HYDIN: variants seen among roughly 807,000 people sequenced by gnomAD.
The protein encoded by HYDIN is axonemal central pair apparatus protein HYDIN.
In HYDIN, 132 loss-of-function variants were observed where a neutral mutation model predicts 403.9. The observed-to-expected ratio is 0.33, with a 90% CI of 0.28 to 0.38. The LOEUF (loss-of-function observed/expected upper bound fraction) is 0.38, where lower values mean the gene tolerates loss of function less well. Ranked by LOEUF, HYDIN falls within the 10% of genes least tolerant of loss-of-function variation. The pLI is 1.00. For synonymous variants in HYDIN, 1,202 were observed against 1,891.7 expected, an observed-to-expected ratio of 0.64 and a Z score of 9.46; for missense variants, 2,827 against 5,009.5, an observed-to-expected ratio of 0.56 and a Z score of 13.15.
At chr16:71,127,756 G>T (rs894261596) in intron 9 of HYDIN, among the ~76,000 whole-genome samples, 1 of 152,210 alleles carries the variant, frequency 6.6e-6, no homozygotes, top group African/African-American at 2.4e-5. Context: ...GTATGTTTAA[G>T]ATTAGCACAA....
chr16:70,982,164 CATAAAT>C (rs2079066309), intron 28 of HYDIN, among the ~76,000 whole-genome samples: 1 of 150,384 alleles, frequency 6.6e-6, no homozygotes, highest in African/African-American at 2.4e-5. Context: ...AAAAATCGTT[CATAAAT>C]ATATAGTAAA....
intron 19 of HYDIN, among the ~76,000 whole-genome samples, chr16:71,029,763 C>G (rs1203465734): frequency 1.3e-5 from 2 of 151,432 alleles, no homozygotes; most frequent in Non-Finnish European, 2.9e-5. Context: ...TATTTTCAAT[C>G]AAGTCCCATA....
chr16:71,218,200 G>A (rs771919070), intron 1 of HYDIN, among the ~76,000 whole-genome samples: 21 of 152,146 alleles, frequency 1.4e-4, no homozygotes, highest in South Asian at 1.0e-3. Context: ...GGTTGTTAGC[G>A]ACTGTTCCAA....
intron 23 of HYDIN, among the ~76,000 whole-genome samples, chr16:71,007,120 T>C (rs1417877483): frequency 1.3e-5 from 2 of 151,530 alleles, no homozygotes; most frequent in African/African-American, 2.4e-5. Context: ...TACTTCACTG[T>C]GCTGCCCTTC....
At chr16:70,892,646 C>G (rs1352690561) in intron 55 of HYDIN, 117 bp from the exon 56 acceptor site, 4 of 947,366 alleles carry the variant, frequency 4.2e-6, no homozygotes, top group Non-Finnish European at 6.1e-6. Flanking sequence ...TTAGCCACTA[C>G]GTCCGGCGGA....
chr16:71,008,521 T>C (rs1319053532), intron 23 of HYDIN, among the ~76,000 whole-genome samples: 2 of 152,214 alleles, frequency 1.3e-5, no homozygotes, highest in Non-Finnish European at 2.9e-5. Flanking sequence ...TGTTGAAGAT[T>C]TGGCCATATA....
chr16:71,014,559 T>G (rs2144109118), intron 23 of HYDIN, among the ~76,000 whole-genome samples: 1 of 149,624 alleles, frequency 6.7e-6, no homozygotes, highest in East Asian at 2.0e-4. Flanking sequence ...TGATGAGGAG[T>G]GGGGACAGAA....
chr16:71,114,693 C>CA (rs1255457158), intron 10 of HYDIN, among the ~76,000 whole-genome samples: 1 of 129,160 alleles, frequency 7.7e-6, no homozygotes, highest in Non-Finnish European at 1.6e-5. Context: ...AGTGTGAACT[C>CA]AACAACTCTG....
intron 7 of HYDIN, among the ~76,000 whole-genome samples, chr16:71,141,145 T>C (rs1597870675): frequency 2.0e-5 from 3 of 148,810 alleles, no homozygotes; most frequent in South Asian, 4.3e-4. Flanking sequence ...AAGAGACAGA[T>C]CAGTGGAATA....
chr16:70,822,733 C>T (rs1351138797), intron 83 of HYDIN, among the ~76,000 whole-genome samples: 3 of 152,158 alleles, frequency 2.0e-5, no homozygotes, highest in South Asian at 2.1e-4. Context: ...CCATCAACAT[C>T]GAGGCAAGAC....
intron 41 of HYDIN, among the ~76,000 whole-genome samples, chr16:70,945,460 C>T (rs551610383): frequency 4.3e-4 from 66 of 152,008 alleles, no homozygotes; most frequent in East Asian, 7.7e-4. Flanking sequence ...AACCTGCACT[C>T]GGGAAGAAAT....
chr16:70,809,777 ACTCACCCTG>A lies in HYDIN; in HGVS notation c.14880_14883+5del. 1 of 1,605,118 alleles carries A rather than the reference ACTCACCCTG, an allele frequency of 6.2e-7. No individual in the cohort carries two copies. Among genetic ancestry groups the A allele is most frequent in the East Asian group, 2.2e-5 (1 of 44,822 alleles). ...AAGGGCAGAAGGTAGAGCAGGGGCC[ACTCACCCTG>A]CAGTAGTATTCTGTCCTCTGCCGTG... is the stretch of plus-strand genomic sequence containing the variant. On this transcript the variant is annotated splice_donor_variant and splice_donor_5th_base_variant and coding_sequence_variant and intron_variant, in exon 85 of 86. Transcript: ENST00000393567. LOFTEE classifies it high-confidence loss of function.
Position 70,863,068 on chromosome 16 carries a change from C to T in HYDIN, c.11569+17G>A. On this transcript the variant is annotated intron_variant, in intron 68 of 85. Coordinates refer to ENST00000393567, the MANE Select transcript of HYDIN (RefSeq NM_001270974.2). ...GACTCAGGCCAGGCCCTGGGTTTTACTTGCCACTGAATTTACCTTGGTGAT... is the reference window on the plus strand; with the variant it reads ...GACTCAGGCCAGGCCCTGGGTTTTATTTGCCACTGAATTTACCTTGGTGAT... 6.2e-7 allele frequency: 1 copy of T among 1,613,690 alleles called. No individual in the cohort carries two copies. The highest frequency in any genetic ancestry group is 1.6e-4 in the Middle Eastern group (1 of 6,062).
In HYDIN at chr16:71,033,386, ATTTG is replaced by A. The variant is rs369280005; in HGVS notation, c.2530-1473_2530-1470del. Among the ~76,000 whole-genome samples, 693 of 152,318 alleles carry A rather than the reference ATTTG, an allele frequency of 4.5e-3. 6 individuals are homozygous for A. The highest frequency in any genetic ancestry group is 0.016 in the African/African-American group (677 of 41,558). ...TATTATTAATACTACTAAAATTCTA[ATTTG>A]TTTAATTGCCTATATAAACAATTAT... On this transcript the variant is annotated intron_variant, in intron 18 of 85. Coordinates refer to ENST00000393567, the MANE Select transcript of HYDIN (RefSeq NM_001270974.2).
intron 43 of HYDIN, among the ~76,000 whole-genome samples, chr16:70,939,237 G>A (rs2143872867): frequency 6.6e-6 from 1 of 152,274 alleles, no homozygotes; most frequent in African/African-American, 2.4e-5. Context: ...AAGAAAAAGG[G>A]GCTACCTAAC....
intron 12 of HYDIN, 101 bp from the exon 13 acceptor site, chr16:71,080,053 A>T: frequency 1.6e-6 from 1 of 609,866 alleles, no homozygotes; most frequent in Non-Finnish European, 3.0e-6. Flanking sequence ...CCATACCTTG[A>T]CTTTATGTCA....
At chr16:71,059,607 C>A (rs897258098) in intron 18 of HYDIN, among the ~76,000 whole-genome samples, 9 of 151,800 alleles carry the variant, frequency 5.9e-5, no homozygotes, top group Non-Finnish European at 1.3e-4. Context: ...AAGAAGGGAA[C>A]AAGAGACACT....
chr16:70,937,970 G>A (rs1271254186), intron 44 of HYDIN, among the ~76,000 whole-genome samples: 2 of 152,202 alleles, frequency 1.3e-5, no homozygotes, highest in African/African-American at 2.4e-5. Flanking sequence ...GGCACTAGGA[G>A]GCATGGGGGG....
chr16:71,222,084 G>A (rs1223740703), intron 1 of HYDIN, among the ~76,000 whole-genome samples: 1 of 152,086 alleles, frequency 6.6e-6, no homozygotes, highest in Non-Finnish European at 1.5e-5. Flanking sequence ...GAGTCTTTCT[G>A]AGCCTACTCT....
Sources: gnomAD v4.1 joint callset for allele counts (sites outside exome capture counted in the v4.1 genomes callset) on GRCh38, gnomAD v4.1.1 for gene constraint, MANE v1.5 for transcripts, NCBI Gene and HGNC (gene_info 2026-07-23, HGNC 2026-07-21) for gene names.